DPF3: variants seen among roughly 807,000 people sequenced by gnomAD.
The protein encoded by DPF3 is double PHD fingers 3, also known as zinc finger protein DPF3.
DPF3 carries 18 observed loss-of-function variants against 56.8 expected under a neutral mutation model. That is an observed-to-expected ratio of 0.32 (90% CI 0.22 to 0.47). The LOEUF is 0.47. Among genes scored for constraint, DPF3 ranks in the 20% least tolerant of loss-of-function variants. The pLI is 1.00. For synonymous variants in DPF3, 188 were observed against 180.2 expected (o/e 1.04, Z -0.35); for missense variants, 403 against 488.8 (o/e 0.82, Z 1.65).
intron 8 of DPF3, chr14:72,660,983 C>G: frequency 1.2e-6 from 1 of 844,198 alleles, no homozygotes; most frequent in Middle Eastern, 6.1e-4. Context: ...CGCATGACGG[C>G]GTGAAAGTGA....
chr14:72,788,469 G>A (rs1892302377), intron 1 of DPF3, among the ~76,000 whole-genome samples: 1 of 152,124 alleles, frequency 6.6e-6, no homozygotes, highest in African/African-American at 2.4e-5. Flanking sequence ...TGGAGGGAGA[G>A]CACCGCCAGC....
At chr14:72,760,657 C>T (rs992710256) in intron 2 of DPF3, among the ~76,000 whole-genome samples, 1 of 152,006 alleles carries the variant, frequency 6.6e-6, no homozygotes, top group Non-Finnish European at 1.5e-5. Context: ...AAGATGTACA[C>T]TATAAACACT....
chr14:72,753,450 T>A, intron 2 of DPF3, 79 bp from the exon 3 acceptor site: 1 of 1,106,100 alleles, frequency 9.0e-7, no homozygotes, highest in Non-Finnish European at 1.3e-6. Context: ...AACCCCGTCA[T>A]TCACAAGGAG....
At chr14:72,762,879 T>C (rs1435526827) in intron 2 of DPF3, among the ~76,000 whole-genome samples, 2 of 151,992 alleles carry the variant, frequency 1.3e-5, no homozygotes, top group Admixed American at 1.3e-4. Context: ...CTACAGAATC[T>C]ATAGAAAGCT....
intron 4 of DPF3, among the ~76,000 whole-genome samples, chr14:72,726,210 C>CA (rs2139846391): frequency 6.6e-6 from 1 of 152,350 alleles, no homozygotes; most frequent in South Asian, 2.1e-4. Flanking sequence ...AACCATCTTG[C>CA]AAACTTTCCA....
At chr14:72,860,386 T>C (rs1885348892) in intron 1 of DPF3, among the ~76,000 whole-genome samples, 1 of 152,096 alleles carries the variant, frequency 6.6e-6, no homozygotes, top group African/African-American at 2.4e-5. Flanking sequence ...TGTCTCACTA[T>C]GTTGCCGAGG....
At position 72,753,338 on chromosome 14, in the gene DPF3, G is replaced by A. The variant is rs777508128; in HGVS notation, c.227C>T (p.Ala76Val). The change falls in exon 3 of 11, where the codon GCC becomes GTC. Residue 76 changes from alanine (A) to valine (V), a missense_variant. Physicochemically the swap from Ala to Val is moderately conservative, Grantham distance 64 (BLOSUM62 0). Around this residue, in one of 2 missense-constraint regions of DPF3, gnomAD observed 340 missense variants for 374.3 expected, o/e 0.91. Coordinates refer to ENST00000556509, the MANE Select transcript of DPF3 (RefSeq NM_001280542.3). Reference sequence around the variant, plus strand: ...TCGTCTCTTCTTGCGCCAGCAGCGGGCAGGGTATGTATACAGCTGGCCCGG... The same window carrying A: ...TCGTCTCTTCTTGCGCCAGCAGCGGACAGGGTATGTATACAGCTGGCCCGG... Reference protein sequence around the residue: ...LAPGQLYTYPARCWRKKRRLH... With the variant: ...LAPGQLYTYPVRCWRKKRRLH... The A allele has an allele frequency of 1.9e-6, 3 of 1,613,256 alleles. No homozygotes were observed. Among genetic ancestry groups the A allele is most frequent in the Non-Finnish European group, 2.5e-6 (3 of 1,179,818 alleles).
rs1430787884 is a variant in DPF3 at position 72,609,406 on chromosome 14, ATC to A, written c.*9889_*9890del. ...CCACATCAGGTGTGGGCTGCTTCCAATCTGTAGGTTCTCCTGGAGATTGTCAC... is the reference window on the plus strand; with the variant it reads ...CCACATCAGGTGTGGGCTGCTTCCAATGTAGGTTCTCCTGGAGATTGTCAC... On this transcript the variant is annotated 3_prime_UTR_variant, in exon 11 of 11. Coordinates refer to ENST00000556509, the MANE Select transcript of DPF3 (RefSeq NM_001280542.3). 6.6e-6 allele frequency among the ~76,000 whole-genome samples: 1 copy of A among 152,134 alleles called. No individual in the cohort carries two copies. Among genetic ancestry groups the A allele is most frequent in the Non-Finnish European group, 1.5e-5 (1 of 68,010 alleles).
At chr14:72,781,360 C>A (rs1008753412) in intron 1 of DPF3, among the ~76,000 whole-genome samples, 3 of 152,190 alleles carry the variant, frequency 2.0e-5, no homozygotes, top group African/African-American at 7.2e-5. Flanking sequence ...CAAAACATCT[C>A]AGGAAGGGCA....
Position 72,756,884 on chromosome 14 carries a change from GGAAA to G in DPF3, c.194-3517_194-3514del, listed in dbSNP as rs1229498877. ...AGAAAGAAAGAAAGGAAGGAAAGAA[GGAAA>G]GAAAGAAAGAAAAGAAAAAAAGAAA... On this transcript the variant is annotated intron_variant, in intron 2 of 10. Transcript: ENST00000556509. 1.0e-4 allele frequency among the ~76,000 whole-genome samples: 5 copies of G among 47,818 alleles called. No homozygotes were observed. In the East Asian group the frequency reaches 1.6e-3, roughly 15 times the overall value. 31.4% of individuals were successfully genotyped at this position (47,818 alleles called of 152,430 possible). A position where few individuals can be genotyped will look rare whatever the true frequency, so the allele number is the denominator to read the frequency against.
chr14:72,664,731 A>G (rs1886376357), intron 8 of DPF3, among the ~76,000 whole-genome samples: 1 of 152,174 alleles, frequency 6.6e-6, no homozygotes, highest in African/African-American at 2.4e-5. Flanking sequence ...ATAGAGTGAG[A>G]TTTGGTAAGA....
Position 72,660,968 on chromosome 14 carries a change from C to T in DPF3, c.871+13272G>A. 4.1e-6 allele frequency: 3 copies of T among 735,370 alleles called. No homozygotes were observed. In the South Asian group the frequency reaches 1.8e-4, roughly 45 times the overall value. The allele number at this position is 735,370 out of a possible 1,614,324, so 45.6% of individuals were successfully genotyped here. A position where few individuals can be genotyped will look rare whatever the true frequency, so the allele number is the denominator to read the frequency against. ...AGTGGGAAGAATCATCTCAGGAGTC[C>T]CTGCCGCATGACGGCGTGAAAGTGA... On this transcript the variant is annotated intron_variant, in intron 8 of 10. Coordinates refer to ENST00000556509, the MANE Select transcript of DPF3 (RefSeq NM_001280542.3).
intron 1 of DPF3, among the ~76,000 whole-genome samples, chr14:72,811,750 T>C (rs1883054339): frequency 6.6e-6 from 1 of 152,180 alleles, no homozygotes. Flanking sequence ...TGTTAGTCAC[T>C]TTACACTTTG....
At chr14:72,730,401 T>A (rs1036262527) in intron 4 of DPF3, among the ~76,000 whole-genome samples, 1 of 152,168 alleles carries the variant, frequency 6.6e-6, no homozygotes, top group Non-Finnish European at 1.5e-5. Flanking sequence ...ACACAAGCCA[T>A]GTTGTGGCAA....
intron 8 of DPF3, among the ~76,000 whole-genome samples, chr14:72,651,005 A>C (rs762761522): frequency 5.3e-5 from 8 of 152,214 alleles, no homozygotes; most frequent in Admixed American, 2.6e-4. Context: ...CAACTCAGAC[A>C]CTGTCAGAAC....
chr14:72,878,885 C>A (rs117048911), intron 1 of DPF3, among the ~76,000 whole-genome samples: 2,918 of 152,346 alleles, frequency 0.019, 39 homozygotes, highest in Non-Finnish European at 0.028. Context: ...TGTTTCCCAA[C>A]TCCTGAAACT....
At chr14:72,792,688 C>G (rs1432050409) in intron 1 of DPF3, among the ~76,000 whole-genome samples, 2 of 151,860 alleles carry the variant, frequency 1.3e-5, no homozygotes, top group Non-Finnish European at 2.9e-5. Context: ...TCCTACAGAC[C>G]ATTTCACCCC....
chr14:72,806,747 A>G (rs939959070), intron 1 of DPF3: 2 of 150,196 alleles, frequency 1.3e-5, no homozygotes, highest in African/African-American at 4.9e-5. Flanking sequence ...CTCCCTGCCC[A>G]CTCTCCCTTC....
At chr14:72,636,859 G>T (rs1885399065) in intron 8 of DPF3, among the ~76,000 whole-genome samples, 1 of 152,148 alleles carries the variant, frequency 6.6e-6, no homozygotes. Flanking sequence ...GGACAAAGAA[G>T]AGAAAGAGAA....
Sources: gnomAD v4.1 joint callset for allele counts (sites outside exome capture counted in the v4.1 genomes callset) on GRCh38, gnomAD v4.1.1 for gene constraint, gnomAD v4.1.1 regional missense constraint, MANE v1.5 for transcripts, NCBI Gene and HGNC (gene_info 2026-07-23, HGNC 2026-07-21) for gene names.